The following KATNB1 variants were observed in gnomAD, a reference collection of about 807,000 sequenced individuals.
KATNB1 encodes katanin p80 WD40 repeat-containing subunit B1.
KATNB1 carries 38 observed loss-of-function variants against 82.3 expected under a neutral mutation model. That is an observed-to-expected ratio of 0.46 (90% CI 0.36 to 0.61). KATNB1 has a LOEUF of 0.61. Among genes scored for constraint, KATNB1 ranks in the 20% least tolerant of loss-of-function variants. The pLI, the probability that KATNB1 is intolerant of heterozygous loss-of-function variation, is 0.00. For missense variants in KATNB1, 749 were observed against 915.7 expected, an observed-to-expected ratio of 0.82 and a Z score of 2.35; for synonymous variants, 361 against 368.7, an observed-to-expected ratio of 0.98 and a Z score of 0.24.
Position 57,751,502 on chromosome 16 carries a change from G to A in KATNB1, c.433-139G>A, listed in dbSNP as rs1033168177. The A allele has an allele frequency of 1.2e-5, 12 of 966,574 alleles. No individual in the cohort carries two copies. In the East Asian group the frequency reaches 1.7e-4, roughly 14 times the overall value. 59.9% of individuals were successfully genotyped at this position (966,574 alleles called of 1,614,324 possible). ...CTCTGCATGAATCCCCTAGAGCCACGTTCATCAAACTGCTCCAAGCAGAAC... is the reference window on the plus strand; with the variant it reads ...CTCTGCATGAATCCCCTAGAGCCACATTCATCAAACTGCTCCAAGCAGAAC... On this transcript the variant is annotated intron_variant, in intron 6 of 19. Transcript: ENST00000379661. This position sits in a 1 kb window ranked among gnomAD's most constrained non-coding sequence, Gnocchi z 6.3.
At chr16:57,746,483 G>A (rs2049185090) in intron 4 of KATNB1, among the ~76,000 whole-genome samples, 1 of 152,210 alleles carries the variant, frequency 6.6e-6, no homozygotes. Context: ...CTGGTTTCAT[G>A]CGGTTGTGGT....
At chr16:57,745,196 C>T (rs1484484794) in intron 4 of KATNB1, among the ~76,000 whole-genome samples, 1 of 152,170 alleles carries the variant, frequency 6.6e-6, no homozygotes, top group African/African-American at 2.4e-5. Context: ...ATGGTCATAC[C>T]ACAGTTTCTT....
chr16:57,752,978 C>A (rs782345172), intron 10 of KATNB1, 50 bp downstream of exon 10: 1 of 1,595,698 alleles, frequency 6.3e-7, no homozygotes, highest in South Asian at 1.1e-5. Flanking sequence ...GGGCCACCCG[C>A]CTCCCTCCAG....
intron 3 of KATNB1, among the ~76,000 whole-genome samples, chr16:57,742,303 C>G (rs2049149709): frequency 1.3e-5 from 2 of 152,370 alleles, no homozygotes; most frequent in Middle Eastern, 6.8e-3. Context: ...TCTTAAATAG[C>G]ATCTCCCCAC....
At chr16:57,752,744 C>G in intron 9 of KATNB1, 34 bp from the exon 10 acceptor site, 4 of 1,601,462 alleles carry the variant, frequency 2.5e-6, no homozygotes, top group Non-Finnish European at 3.4e-6. Context: ...GGCTGGGTGC[C>G]ACAGGACCCA....
intron 4 of KATNB1, among the ~76,000 whole-genome samples, chr16:57,748,953 G>A (rs529236644): frequency 2.3e-4 from 35 of 152,354 alleles, no homozygotes; most frequent in African/African-American, 8.4e-4. Context: ...GGCCTCCTTG[G>A]CCAGGAGGCA....
chr16:57,755,969 C>G (rs782018456), intron 17 of KATNB1, 23 bp from the exon 18 acceptor site: 54 of 1,612,848 alleles, frequency 3.3e-5, no homozygotes, highest in Non-Finnish European at 4.5e-5. Flanking sequence ...GGGCTGATGG[C>G]AGCATGTCCT....
In KATNB1 at chr16:57,737,057, T is replaced by C; in HGVS notation, c.-187T>C. 1 of 719,440 alleles carries C rather than the reference T, an allele frequency of 1.4e-6. No individual in the cohort carries two copies. The highest frequency in any genetic ancestry group is 2.0e-5 in the Admixed American group (1 of 49,988). 44.6% of individuals were successfully genotyped at this position (719,440 alleles called of 1,614,324 possible). On this transcript the variant is annotated 5_prime_UTR_variant, in exon 2 of 20. Transcript: ENST00000379661. ...ACAGATGTGCACAGGCTGCTGCTGT[T>C]GCTGCTGTGGGTAATTTGGAACCAC...
At chr16:57,736,854 G>A (rs1229823852) in intron 1 of KATNB1, 124 bp from the exon 2 acceptor site, 1 of 444,892 alleles carries the variant, frequency 2.2e-6, no homozygotes, top group Admixed American at 2.6e-5. Context: ...AATTTGCAGT[G>A]CAGCTTCTGA....
At chr16:57,736,916 A>T in intron 1 of KATNB1, 62 bp from the exon 2 acceptor site, 1 of 590,080 alleles carries the variant, frequency 1.7e-6, no homozygotes, top group Non-Finnish European at 3.2e-6. Flanking sequence ...TTGGTGATCC[A>T]GGGAGCAACA....
In KATNB1 at chr16:57,741,721, A is replaced by G; in HGVS notation, c.75A>G (p.Ser25=). ...EIVAHASNVS[S]LVLGKASGRL... is the part of the protein sequence containing the mutation. ...TCGCGCATGCCAGCAACGTGTCCTCACTGGTGCTGGGCAAAGCCTCCGGGC... is the reference window on the plus strand; with the variant it reads ...TCGCGCATGCCAGCAACGTGTCCTCGCTGGTGCTGGGCAAAGCCTCCGGGC... The change falls in exon 3 of 20, where the codon TCA becomes TCG. Residue 25 remains serine (S), a synonymous_variant. Transcript: ENST00000379661. The G allele has an allele frequency of 1.9e-6, 3 of 1,613,990 alleles. No individual in the cohort carries two copies. The highest frequency in any genetic ancestry group is 1.6e-4 in the Middle Eastern group (1 of 6,062).
In KATNB1 at chr16:57,751,308, G is replaced by A. The variant is rs116976731; in HGVS notation, c.432+6G>A. On this transcript the variant is annotated splice_donor_region_variant and intron_variant, in intron 6 of 19. Coordinates refer to ENST00000379661, the MANE Select transcript of KATNB1 (RefSeq NM_005886.3). The surrounding 1 kb of genome is among the most constrained non-coding windows in gnomAD (Gnocchi z 6.3). ...GCTGTGTCTTCCGATACAGGGTAAG[G>A]ATGCGCTCTGTCGGTGACTCCATGA... 5.6e-4 allele frequency: 905 copies of A among 1,613,460 alleles called. 6 individuals are homozygous for A. In the East Asian group the frequency reaches 0.018, roughly 31 times the overall value.
chr16:57,748,769 G>A (rs961240819), intron 4 of KATNB1, among the ~76,000 whole-genome samples: 1 of 152,242 alleles, frequency 6.6e-6, no homozygotes, highest in Non-Finnish European at 1.5e-5. Context: ...GTAGCTCAGC[G>A]CAGGGGATCC....
intron 16 of KATNB1, 21 bp downstream of exon 16, chr16:57,755,515 A>G (rs2049269166): frequency 6.2e-7 from 1 of 1,605,486 alleles, no homozygotes; most frequent in South Asian, 1.1e-5. Context: ...ACCCTTGCAC[A>G]GGGCCTCATC....
intron 17 of KATNB1, 33 bp downstream of exon 17, chr16:57,755,950 G>C: frequency 6.2e-7 from 1 of 1,610,500 alleles, no homozygotes; most frequent in South Asian, 1.1e-5. Context: ...TGGGCGGAGG[G>C]GCAGGGCTGG....
chr16:57,751,679 C>G lies in KATNB1; in HGVS notation c.471C>G (p.Pro157=), dbSNP rs782385711. ...SQAVRCLRFS[P]DGKWLASAAD... ...CCGTGCGGTGTCTCCGGTTCAGCCC[C>G]GATGGGAAGTGGTTGGCGTCGGCCG... The change falls in exon 7 of 20, where the codon CCC becomes CCG. Residue 157 remains proline, a synonymous_variant. Transcript: ENST00000379661. This position sits in a 1 kb window ranked among gnomAD's most constrained non-coding sequence, Gnocchi z 6.3. 5 of 1,611,376 alleles carry G rather than the reference C, an allele frequency of 3.1e-6. No homozygotes were observed. The highest frequency in any genetic ancestry group is 2.2e-5 in the East Asian group (1 of 44,880).
intron 12 of KATNB1, 113 bp from the exon 13 acceptor site, chr16:57,753,832 C>T (rs2049251353): frequency 1.0e-6 from 1 of 987,870 alleles, no homozygotes; most frequent in Non-Finnish European, 1.5e-6. Context: ...GGTCCACAGT[C>T]TGCAGCCGCA....
chr16:57,756,070 C>T lies in KATNB1; in HGVS notation c.1718+4C>T, dbSNP rs782807191. The T allele has an allele frequency of 9.3e-6, 15 of 1,604,464 alleles. No homozygotes were observed. Among genetic ancestry groups the T allele is most frequent in the African/African-American group, 4.0e-5 (3 of 74,902 alleles). On this transcript the variant is annotated splice_donor_region_variant and intron_variant, in intron 18 of 19. Transcript: ENST00000379661. ...TTCTGCAGAGCAAGTATGAGAGGTGCGTGTGGGGAAGCCATGCCTGCCTGA... is the reference window on the plus strand; with the variant it reads ...TTCTGCAGAGCAAGTATGAGAGGTGTGTGTGGGGAAGCCATGCCTGCCTGA...
rs781977342 is a variant in KATNB1 at position 57,755,900 on chromosome 16, C to T, written c.1626C>T (p.Asn542=). 1 of 1,597,898 alleles carries T rather than the reference C, an allele frequency of 6.3e-7. No homozygotes were observed. The highest frequency in any genetic ancestry group is 2.3e-5 in the East Asian group (1 of 44,422). ...TGTCGGTGGTGGTGGACCTCCTGAA[C>T]ATCGTCAACCAGAAAGCGTAAGTGG... ...NDLSVVVDLL[N]IVNQKASLWK... The change falls in exon 17 of 20, where the codon AAC becomes AAT. Residue 542 remains asparagine, a synonymous_variant. Transcript: ENST00000379661.
Sources: allele counts gnomAD v4.1 joint callset (sites outside exome capture counted in the v4.1 genomes callset), GRCh38; gene constraint gnomAD v4.1.1; non-coding constraint Gnocchi (gnomAD v3.1); transcripts MANE v1.5; gene names NCBI Gene and HGNC (gene_info 2026-07-23, HGNC 2026-07-21).